The following DYNC1I1 variants were observed in gnomAD, a reference collection of about 807,000 sequenced individuals.
The protein encoded by DYNC1I1 is dynein cytoplasmic 1 intermediate chain 1.
Under a neutral mutation model 86.6 loss-of-function variants are expected in DYNC1I1, and 43 were observed. The ratio of observed to expected loss-of-function variants is 0.50; its 90% CI spans 0.39 to 0.64. The LOEUF is 0.64. Among genes scored for constraint, DYNC1I1 ranks in the 30% least tolerant of loss-of-function variants. The pLI, the probability that DYNC1I1 is intolerant of heterozygous loss-of-function variation, is 0.00. For synonymous variants in DYNC1I1, 262 were observed against 283.7 expected, an observed-to-expected ratio of 0.92 and a Z score of 0.77; for missense variants, 604 against 788.8, an observed-to-expected ratio of 0.77 and a Z score of 2.81.
At chr7:96,004,971 G>A (rs1483167173) in intron 10 of DYNC1I1, among the ~76,000 whole-genome samples, 1 of 152,158 alleles carries the variant, frequency 6.6e-6, no homozygotes, top group African/African-American at 2.4e-5. Context: ...CTTAGGAGAG[G>A]TTGGTATGTG....
chr7:96,029,188 C>T (rs1217450104), intron 11 of DYNC1I1, among the ~76,000 whole-genome samples: 7 of 152,024 alleles, frequency 4.6e-5, no homozygotes, highest in African/African-American at 1.7e-4. Flanking sequence ...AAATCTCCTA[C>T]TCTTGTAAGA....
chr7:96,043,091 C>G (rs1405820020), intron 14 of DYNC1I1, among the ~76,000 whole-genome samples: 1 of 150,804 alleles, frequency 6.6e-6, no homozygotes, highest in Admixed American at 6.6e-5. Flanking sequence ...ATCACTTGAA[C>G]CAGGGATTCA....
intron 1 of DYNC1I1, among the ~76,000 whole-genome samples, chr7:95,791,472 A>G (rs12671965): frequency 0.14 from 20,973 of 152,198 alleles, 1,551 homozygotes; most frequent in South Asian, 0.18. Context: ...AGGTTACCTG[A>G]GAGTAGTTTA....
chr7:95,871,058 A>G (rs1272768525), intron 6 of DYNC1I1, among the ~76,000 whole-genome samples: 1 of 152,228 alleles, frequency 6.6e-6, no homozygotes, highest in Non-Finnish European at 1.5e-5. Flanking sequence ...TATAAAAATC[A>G]GTGCATTTTT....
chr7:96,096,602 A>G (rs1320143921), intron 16 of DYNC1I1, among the ~76,000 whole-genome samples: 2 of 152,102 alleles, frequency 1.3e-5, no homozygotes, highest in Admixed American at 1.3e-4. Flanking sequence ...AGAAATCATT[A>G]TCCTTTAAAA....
At chr7:96,029,230 G>A (rs1794752706) in intron 11 of DYNC1I1, among the ~76,000 whole-genome samples, 1 of 152,172 alleles carries the variant, frequency 6.6e-6, no homozygotes, top group Non-Finnish European at 1.5e-5. Flanking sequence ...TACCAAGTCA[G>A]CCCCAATTCT....
chr7:95,853,949 T>C (rs984210328), intron 5 of DYNC1I1, among the ~76,000 whole-genome samples: 1 of 152,214 alleles, frequency 6.6e-6, no homozygotes, highest in African/African-American at 2.4e-5. Flanking sequence ...TATTTTAACA[T>C]GTCTAACATG....
chr7:96,099,663 T>A (rs1047940939), downstream of DYNC1I1, among the ~76,000 whole-genome samples: 1 of 152,170 alleles, frequency 6.6e-6, no homozygotes, highest in Non-Finnish European at 1.5e-5. Flanking sequence ...CTCTTTCATG[T>A]CATTACTTAT....
At chr7:95,982,356 CATAAT>C (rs954138254) in intron 7 of DYNC1I1, among the ~76,000 whole-genome samples, 4 of 152,126 alleles carry the variant, frequency 2.6e-5, no homozygotes, top group Admixed American at 2.6e-4. Flanking sequence ...TATTGTCAAT[CATAAT>C]ATCTGGAGAG....
At chr7:95,950,241 A>T (rs1247752337) in intron 6 of DYNC1I1, among the ~76,000 whole-genome samples, 1 of 152,198 alleles carries the variant, frequency 6.6e-6, no homozygotes, top group African/African-American at 2.4e-5. Context: ...AGTGACATAT[A>T]ATCATGAACA....
intron 2 of DYNC1I1, among the ~76,000 whole-genome samples, chr7:95,809,602 C>T (rs965733410): frequency 6.6e-6 from 1 of 152,130 alleles, no homozygotes; most frequent in African/African-American, 2.4e-5. Context: ...CACCACAGAT[C>T]TTGTTTACCT....
In DYNC1I1 at chr7:95,995,890, A is replaced by G. The variant is rs10279745; in HGVS notation, c.844-58A>G. On this transcript the variant is annotated intron_variant, in intron 9 of 16. Coordinates refer to ENST00000447467, the MANE Select transcript of DYNC1I1 (RefSeq NM_001135556.2). The stretch of plus-strand genomic sequence containing the variant: ...ATACCACGTGTATGTAGGAATAACA[A>G]AGTTTTCCTTGTGTTGTCATCTTAG... 4,338 of 1,539,596 alleles carry G rather than the reference A, an allele frequency of 2.8e-3. 88 individuals carry two copies. In the African/African-American group the frequency reaches 0.049, roughly 17 times the overall value.
At chr7:95,787,202 G>C (rs907017257) in intron 1 of DYNC1I1, among the ~76,000 whole-genome samples, 3 of 152,262 alleles carry the variant, frequency 2.0e-5, no homozygotes, top group African/African-American at 7.2e-5. Flanking sequence ...CTTCCCACTG[G>C]ATCACAGTGC....
At chr7:96,104,377 G>C (rs1791183149) in intron 16 of DYNC1I1, among the ~76,000 whole-genome samples, 1 of 152,008 alleles carries the variant, frequency 6.6e-6, no homozygotes, top group Non-Finnish European at 1.5e-5. Flanking sequence ...AAATTTTGCT[G>C]AGGTCTTTTG....
At chr7:95,888,468 G>T (rs1045604913) in intron 6 of DYNC1I1, among the ~76,000 whole-genome samples, 5 of 152,016 alleles carry the variant, frequency 3.3e-5, no homozygotes. Flanking sequence ...CAAAATTAAA[G>T]GTACTTTTGT....
At chr7:95,818,359 T>G in intron 4 of DYNC1I1, 1 of 437,496 alleles carries the variant, frequency 2.3e-6, no homozygotes, top group Non-Finnish European at 4.1e-6. Flanking sequence ...GCAGCAGTGG[T>G]GGCACAATCT....
intron 14 of DYNC1I1, among the ~76,000 whole-genome samples, chr7:96,054,534 G>T (rs1288016694): frequency 6.6e-6 from 1 of 152,164 alleles, no homozygotes; most frequent in Non-Finnish European, 1.5e-5. Context: ...TGATATTTCT[G>T]GTTCTAGATC....
chr7:95,879,710 A>G (rs4146531), intron 6 of DYNC1I1, among the ~76,000 whole-genome samples: 16,159 of 152,202 alleles, frequency 0.11, 950 homozygotes, highest in South Asian at 0.21. Context: ...AAATTCAACC[A>G]TATGACCTAG....
intron 9 of DYNC1I1, among the ~76,000 whole-genome samples, chr7:95,992,367 G>T (rs1217558653): frequency 6.6e-6 from 1 of 152,078 alleles, no homozygotes; most frequent in Admixed American, 6.6e-5. Context: ...GACACTTGAG[G>T]CATGCCACAG....
Sources: gnomAD v4.1 joint callset for allele counts (sites outside exome capture counted in the v4.1 genomes callset) on GRCh38, gnomAD v4.1.1 for gene constraint, MANE v1.5 for transcripts, NCBI Gene and HGNC (gene_info 2026-07-23, HGNC 2026-07-21) for gene names.